TMEM74: variants seen among roughly 807,000 people sequenced by gnomAD.
The protein encoded by TMEM74 is transmembrane protein 74.
A neutral mutation model predicts 18.1 loss-of-function variants in TMEM74; 13 were observed. That is an observed-to-expected ratio of 0.72 (90% confidence interval 0.47 to 1.14). The LOEUF is 1.14. TMEM74 is among the 50% of genes most tolerant of loss of function. The pLI is 0.00. For missense variants in TMEM74, 372 were observed against 375.9 expected (o/e 0.99, Z 0.09); for synonymous variants, 159 against 146.6 (o/e 1.08, Z -0.61).
chr8:108,755,168 A>C (rs1486908670), intron 1 of TMEM74, among the ~76,000 whole-genome samples: 3 of 152,116 alleles, frequency 2.0e-5, no homozygotes, highest in African/African-American at 7.2e-5. Flanking sequence ...GGAACACTGC[A>C]GTCAAGGCCT....
chr8:108,768,224 A>G (rs1295702946), intron 1 of TMEM74, among the ~76,000 whole-genome samples: 1 of 152,178 alleles, frequency 6.6e-6, no homozygotes, highest in Non-Finnish European at 1.5e-5. Context: ...CTAGTGACTA[A>G]TAATTCAAGC....
Position 108,645,307 on chromosome 8 carries a change from C to A in TMEM74, n.264+9986G>T, listed in dbSNP as rs556908289. Among the ~76,000 whole-genome samples the A allele has an allele frequency of 2.2e-4, 34 of 152,132 alleles. 1 individual carries two copies. Among genetic ancestry groups the A allele is most frequent in the Admixed American group, 5.2e-4 (8 of 15,242 alleles). ...ATAAGTGGGAGCTAAGCATTGGGTA[C>A]ACGTGGACACAAAGATGAGTAAAAT... On this transcript the variant is annotated intron_variant and non_coding_transcript_variant, in intron 2 of 3. Transcript: ENST00000518838.
chr8:108,700,868 C>T (rs1004431546), intron 1 of TMEM74, among the ~76,000 whole-genome samples: 18 of 152,070 alleles, frequency 1.2e-4, no homozygotes, highest in Non-Finnish European at 2.5e-4. Context: ...AGCTAATGGG[C>T]TTTTATCATT....
At chr8:108,642,151 C>G (rs1233483112) in intron 2 of TMEM74, among the ~76,000 whole-genome samples, 1 of 152,032 alleles carries the variant, frequency 6.6e-6, no homozygotes, top group Non-Finnish European at 1.5e-5. Context: ...GTAATTCTAG[C>G]ACTTTGGGAG....
chr8:108,687,284 A>G (rs879576115), intron 1 of TMEM74, among the ~76,000 whole-genome samples: 4 of 152,128 alleles, frequency 2.6e-5, no homozygotes, highest in Non-Finnish European at 5.9e-5. Context: ...AAATGAATGA[A>G]TTTCTCTAAA....
chr8:108,720,596 C>A (rs1232236188), intron 1 of TMEM74, among the ~76,000 whole-genome samples: 1 of 152,144 alleles, frequency 6.6e-6, no homozygotes, highest in Non-Finnish European at 1.5e-5. Context: ...AGTCTATAAG[C>A]TCTCTGAAAG....
At chr8:108,736,255 C>A (rs925520559) in intron 1 of TMEM74, among the ~76,000 whole-genome samples, 5 of 152,084 alleles carry the variant, frequency 3.3e-5, no homozygotes, top group African/African-American at 1.2e-4. Context: ...TATTTGAGGT[C>A]TACTTGTTAT....
rs758320371 is a variant in TMEM74, at chr8:108,784,649, C to T, written c.450G>A (p.Glu150=). ...CTTCAGATATCAAAGATATGGCAGC[C>T]TCTTGGGACCACTCATTTGGATTTT... ...GWENPNEWSQ[E]AAISLISEEE... Residue 150 remains glutamate, a synonymous_variant, in exon 2 of 2, where the codon GAG becomes GAA. Transcript: ENST00000297459. 2 of 1,614,066 alleles carry T rather than the reference C, an allele frequency of 1.2e-6. No homozygotes were observed. The highest frequency in any genetic ancestry group is 3.3e-4 in the Middle Eastern group (2 of 6,084).
chr8:108,730,634 C>CTTTTTTTTTTTTTTTTTTT lies in TMEM74; in HGVS notation n.119+56841_119+56842insAAAAAAAAAAAAAAAAAAA, dbSNP rs1199122765. Among the ~76,000 whole-genome samples the CTTTTTTTTTTTTTTTTTTT allele has an allele frequency of 2.0e-4, 26 of 132,186 alleles. 2 individuals are homozygous for CTTTTTTTTTTTTTTTTTTT. The highest frequency in any genetic ancestry group is 7.3e-4 in the African/African-American group (24 of 32,678). The allele number at this position is 132,186 out of a possible 152,430, so 86.7% of individuals were successfully genotyped here. ...TTAGCTTTAAATGTATGCAGACTTC[C>CTTTTTTTTTTTTTTTTTTT]TTTTTTTTTTTTTTTTTGTGACGGA... On this transcript the variant is annotated intron_variant and non_coding_transcript_variant, in intron 1 of 3. Transcript: ENST00000518838.
At chr8:108,621,683 C>T (rs939989103) in intron 2 of TMEM74, among the ~76,000 whole-genome samples, 5 of 152,128 alleles carry the variant, frequency 3.3e-5, no homozygotes. Flanking sequence ...GTAGCTTGTA[C>T]TGTAGTCACA....
chr8:108,657,797 C>T (rs1384993583), intron 1 of TMEM74, among the ~76,000 whole-genome samples: 3 of 131,350 alleles, frequency 2.3e-5, no homozygotes, highest in Admixed American at 8.6e-5. Context: ...GAGCTGAGAT[C>T]GTGCCACTGC....
intron 2 of TMEM74, among the ~76,000 whole-genome samples, chr8:108,641,631 T>A (rs1318378194): frequency 6.6e-6 from 1 of 152,166 alleles, no homozygotes; most frequent in Admixed American, 6.5e-5. Context: ...CAGAAGTATA[T>A]CTCACCCCAA....
intron 2 of TMEM74, among the ~76,000 whole-genome samples, chr8:108,611,298 A>C (rs1404864407): frequency 6.6e-6 from 1 of 152,212 alleles, no homozygotes; most frequent in Non-Finnish European, 1.5e-5. Flanking sequence ...ATAAACTTAG[A>C]TAAAGACTTT....
At chr8:108,728,148 C>T (rs1027988857) in intron 1 of TMEM74, among the ~76,000 whole-genome samples, 2 of 152,110 alleles carry the variant, frequency 1.3e-5, no homozygotes, top group East Asian at 1.9e-4. Context: ...AGGAGTTTTG[C>T]TGCAAATGGG....
chr8:108,765,074 C>T (rs142022368), intron 1 of TMEM74, among the ~76,000 whole-genome samples: 69 of 152,246 alleles, frequency 4.5e-4, no homozygotes, highest in Non-Finnish European at 8.2e-4. Context: ...CACACAACTT[C>T]AACACATTCT....
chr8:108,676,699 G>T (rs941366680), intron 1 of TMEM74, among the ~76,000 whole-genome samples: 11 of 152,046 alleles, frequency 7.2e-5, no homozygotes, highest in Non-Finnish European at 1.5e-4. Flanking sequence ...AAACTAGAAT[G>T]TAAACACCTT....
rs757138670 is a variant in TMEM74 at position 108,784,193 on chromosome 8, AGCAAGC to A, written c.900_905del (p.Leu301_Ala302del). ...TTCACAACCAGAATTAACTCTGTACAGCAAGCGCATCTTCCTCTACCAAGGACAGTT... is the reference window on the plus strand; with the variant it reads ...TTCACAACCAGAATTAACTCTGTACAGCATCTTCCTCTACCAAGGACAGTT... On this transcript the variant is annotated inframe_deletion, in exon 2 of 2. Transcript: ENST00000297459. 1.1e-5 allele frequency: 17 copies of A among 1,608,474 alleles called. No individual in the cohort carries two copies. The African/African-American group carries it at 2.1e-4, about 20-fold the overall frequency.
At chr8:108,771,151 T>G (rs982246848) in intron 1 of TMEM74, among the ~76,000 whole-genome samples, 7 of 152,192 alleles carry the variant, frequency 4.6e-5, no homozygotes, top group Non-Finnish European at 7.4e-5. Context: ...GTTTCCTCAT[T>G]TCAAAGTTTT....
intron 2 of TMEM74, among the ~76,000 whole-genome samples, chr8:108,630,248 A>G (rs1181129953): frequency 6.6e-6 from 1 of 151,758 alleles, no homozygotes; most frequent in Non-Finnish European, 1.5e-5. Flanking sequence ...AGGGCATTAC[A>G]TAAAAGGATC....
Sources: allele counts gnomAD v4.1 joint callset (sites outside exome capture counted in the v4.1 genomes callset), GRCh38; gene constraint gnomAD v4.1.1; transcripts MANE v1.5; gene names NCBI Gene and HGNC (gene_info 2026-07-23, HGNC 2026-07-21).